The following THY1 variants were observed in gnomAD, a reference collection of about 807,000 sequenced individuals.
THY1 encodes Thy-1 cell surface antigen, also known as thy-1 membrane glycoprotein.
A neutral mutation model predicts 14.9 loss-of-function variants in THY1; 10 were observed. That is an observed-to-expected ratio of 0.67 (90% CI 0.41 to 1.14). The LOEUF (loss-of-function observed/expected upper bound fraction) is 1.14, where lower values mean the gene tolerates loss of function less well. Among genes scored for constraint, THY1 ranks in the 50% most tolerant of loss-of-function variants. The probability of loss-of-function intolerance (pLI) is 0.00; values close to 1 mark genes in which losing one functional copy is unlikely to be tolerated. For missense variants in THY1, 159 were observed against 202.1 expected, an observed-to-expected ratio of 0.79 and a Z score of 1.29; for synonymous variants, 80 against 90.0, an observed-to-expected ratio of 0.89 and a Z score of 0.63.
At chr11:119,421,360 T>C (rs1463474251) in intron 1 of THY1, 1 of 154,554 alleles carries the variant, frequency 6.5e-6, no homozygotes, top group African/African-American at 2.4e-5. Flanking sequence ...TTAAATTCAG[T>C]ATATTCAGCA....
intron 2 of THY1, 33 bp downstream of exon 2, chr11:119,420,836 C>G: frequency 2.5e-6 from 4 of 1,613,756 alleles, no homozygotes; most frequent in Non-Finnish European, 3.4e-6. Context: ...AGCCAGGGCG[C>G]CTGGAGCCCC....
Position 119,417,371 on chromosome 11 carries a change from G to C in THY1, c.*2037C>G, listed in dbSNP as rs143510979. The stretch of plus-strand genomic sequence containing the variant: ...ACGGGAGGTAGCAAGAGTGGGAGCC[G>C]GTGGCATAATTTAGATCTGAGGCCT... On this transcript the variant is annotated 3_prime_UTR_variant, in exon 4 of 4. Transcript: ENST00000284240. The C allele has an allele frequency of 6.6e-6, 1 of 152,318 alleles. No homozygotes were observed. Among genetic ancestry groups the C allele is most frequent in the Non-Finnish European group, 1.5e-5 (1 of 68,128 alleles). The allele number at this position is 152,318 out of a possible 1,614,324, so 9.4% of individuals were successfully genotyped here.
At chr11:119,423,498 C>T, upstream of THY1, 1 of 325,854 alleles carries the variant, frequency 3.1e-6, no homozygotes, top group East Asian at 9.0e-5. Context: ...TTAACCCTTT[C>T]TTCTGACCTA....
At position 119,417,155 on chromosome 11, in the gene THY1, G is replaced by A. The variant is rs1235507387; in HGVS notation, c.*2253C>T. On this transcript the variant is annotated 3_prime_UTR_variant, in exon 4 of 4. Coordinates refer to ENST00000284240, the MANE Select transcript of THY1 (RefSeq NM_006288.5). ...TCTTCTCACCAAGATGCCTTTCCTT[G>A]GCACGGCGCTTGCAGCCCAAGCAGG... 1.3e-5 allele frequency among the ~76,000 whole-genome samples: 2 copies of A among 152,194 alleles called. No homozygotes were observed. Among genetic ancestry groups the A allele is most frequent in the Admixed American group, 1.3e-4 (2 of 15,278 alleles).
chr11:119,422,589 C>A lies in THY1; in HGVS notation c.-25+524G>T. The A allele has an allele frequency of 5.2e-6, 1 of 192,408 alleles. No individual in the cohort carries two copies. 11.9% of individuals were successfully genotyped at this position (192,408 alleles called of 1,614,324 possible). Reference sequence around the variant, plus strand: ...GAGTCCCCCTTCCCCCTCTCTCATCCTTTTCCAGCTCTCCCCTCCCCCGTC... The same window carrying A: ...GAGTCCCCCTTCCCCCTCTCTCATCATTTTCCAGCTCTCCCCTCCCCCGTC... On this transcript the variant is annotated intron_variant, in intron 1 of 3. Coordinates refer to ENST00000284240, the MANE Select transcript of THY1 (RefSeq NM_006288.5). The surrounding 1 kb of genome is among the most constrained non-coding windows in gnomAD (Gnocchi z 7.0).
At chr11:119,423,804 G>C (rs755332061), upstream of THY1, 4 of 153,074 alleles carry the variant, frequency 2.6e-5, no homozygotes, top group Admixed American at 6.5e-5. Context: ...GGCTGCAGGC[G>C]CTTTTTGCTC....
At chr11:119,424,480 T>A (rs2135440125), upstream of THY1, among the ~76,000 whole-genome samples, 1 of 152,272 alleles carries the variant, frequency 6.6e-6, no homozygotes, top group South Asian at 2.1e-4. Flanking sequence ...GCAGTGGCAC[T>A]GTTGGAAGCC....
intron 1 of THY1, 27 bp downstream of exon 1, chr11:119,423,086 C>T (rs1365048991): frequency 8.8e-6 from 4 of 455,970 alleles, no homozygotes; most frequent in Non-Finnish European, 1.3e-5. Context: ...TCCCCGAGCC[C>T]CAGGTCCCAC....
rs1861769462 is a variant in THY1 at position 119,416,085 on chromosome 11, C to T, written c.*3323G>A. ...CCCACATCTCACGGAGATCCCCATG[C>T]CCTTCCCGAGGAAGCCTCTAGATGT... On this transcript the variant is annotated 3_prime_UTR_variant, in exon 4 of 4. Coordinates refer to ENST00000284240, the MANE Select transcript of THY1 (RefSeq NM_006288.5). Among the ~76,000 whole-genome samples the T allele has an allele frequency of 6.6e-6, 1 of 152,176 alleles. No individual in the cohort carries two copies. The highest frequency in any genetic ancestry group is 2.1e-4 in the South Asian group (1 of 4,828).
In THY1 at chr11:119,420,375, A is replaced by G. The variant is rs1459305525; in HGVS notation, c.49T>C (p.Ser17Pro). ...AGGCTGGTCACCTTCTGCCCTCGGG[A>G]GACCTGCAAGACTGGCACCAGCAGT... is the stretch of plus-strand genomic sequence containing the variant. ...IALLLTVLQV[S>P]RGQKVTSLTA... Residue 17 changes from serine (S) to proline (P), a missense_variant, in exon 3 of 4, where the codon TCC becomes CCC. Coordinates refer to ENST00000284240, the MANE Select transcript of THY1 (RefSeq NM_006288.5). The G allele has an allele frequency of 1.2e-6, 2 of 1,609,546 alleles. 1 individual carries two copies. The highest frequency in any genetic ancestry group is 3.3e-4 in the Middle Eastern group (2 of 6,040).
At chr11:119,423,247 T>C (rs1861949942), upstream of THY1, 3 of 393,874 alleles carry the variant, frequency 7.6e-6, no homozygotes, top group Non-Finnish European at 1.6e-5. Context: ...GCTCAGCCAA[T>C]CAGAGGCGGA....
chr11:119,420,665 G>C, intron 2 of THY1: 1 of 691,608 alleles, frequency 1.4e-6, no homozygotes, highest in Non-Finnish European at 2.5e-6. Flanking sequence ...GTTCAATAGT[G>C]TGAAGGAGGG....
In THY1 at chr11:119,419,464, G is replaced by A. The variant is rs1355301133; in HGVS notation, c.430C>T (p.Leu144=). ...SLLAQNTSWL[L]LLLLSLSLLQ... The stretch of plus-strand genomic sequence containing the variant: ...AGGGAGAGGGAGAGCAGGAGCAGCA[G>A]CAGCCACGAGGTGTTCTGAGCCAGC... Residue 144 remains leucine (L), a synonymous_variant, in exon 4 of 4, where the codon CTG becomes TTG. Transcript: ENST00000284240. The A allele has an allele frequency of 1.2e-6, 2 of 1,613,906 alleles. No homozygotes were observed. The highest frequency in any genetic ancestry group is 1.7e-6 in the Non-Finnish European group (2 of 1,180,028).
At position 119,418,938 on chromosome 11, in the gene THY1, G is replaced by GATTAA; in HGVS notation, c.*469_*470insTTAAT. 3 of 197,490 alleles carry GATTAA rather than the reference G, an allele frequency of 1.5e-5. No homozygotes were observed. The highest frequency in any genetic ancestry group is 1.0e-4 in the South Asian group (1 of 9,972). The allele number at this position is 197,490 out of a possible 1,614,324, so 12.2% of individuals were successfully genotyped here. A position where few individuals can be genotyped will look rare whatever the true frequency, so the allele number is the denominator to read the frequency against. ...GCACCAGCCATGCCTGCCGAGGAGT[G>GATTAA]CTGTCAGGACAGACCATGTCCGTGC... On this transcript the variant is annotated 3_prime_UTR_variant, in exon 4 of 4. Coordinates refer to ENST00000284240, the MANE Select transcript of THY1 (RefSeq NM_006288.5).
In THY1 at chr11:119,420,305, T is replaced by A; in HGVS notation, c.119A>T (p.His40Leu). 1.2e-6 allele frequency: 2 copies of A among 1,614,236 alleles called. No individual in the cohort carries two copies. Among genetic ancestry groups the A allele is most frequent in the Non-Finnish European group, 1.7e-6 (2 of 1,180,046 alleles). ...GATGGGTGAACTGCTGGTATTCTCA[T>A]GGCGGCAGTCCAGACGAAGGCTCTG... ...VDQSLRLDCRHENTSSSPIQY... is the reference protein window; with the variant it reads ...VDQSLRLDCRLENTSSSPIQY... Residue 40 changes from histidine (H) to leucine (L), a missense_variant, in exon 3 of 4, where the codon CAT becomes CTT. Coordinates refer to ENST00000284240, the MANE Select transcript of THY1 (RefSeq NM_006288.5).
intron 1 of THY1, chr11:119,421,813 G>C (rs1408506110): frequency 1.3e-5 from 2 of 152,246 alleles, no homozygotes; most frequent in Admixed American, 6.5e-5. Flanking sequence ...AGGAGAGAAA[G>C]ACATAGTGAT....
In THY1 at chr11:119,423,064, G is replaced by A. The variant is rs182667073; in HGVS notation, c.-25+49C>T. The A allele has an allele frequency of 1.2e-3, 557 of 456,054 alleles. 3 individuals carry two copies. Among genetic ancestry groups the A allele is most frequent in the African/African-American group, 0.011 (527 of 50,176 alleles). 28.3% of individuals were successfully genotyped at this position (456,054 alleles called of 1,614,324 possible). A position where few individuals can be genotyped will look rare whatever the true frequency, so the allele number is the denominator to read the frequency against. Reference sequence around the variant, plus strand: ...TAGTGTTGGGAAGTCTTGCATGGGCGCCTGACGGCGGTCCCCGAGCCCCAG... The same window carrying A: ...TAGTGTTGGGAAGTCTTGCATGGGCACCTGACGGCGGTCCCCGAGCCCCAG... On this transcript the variant is annotated intron_variant, in intron 1 of 3. Transcript: ENST00000284240.
Position 119,420,364 on chromosome 11 carries a change from C to T in THY1, c.60G>A (p.Gln20=). The change falls in exon 3 of 4, where the codon CAG becomes CAA. Residue 20 remains glutamine, a synonymous_variant. Transcript: ENST00000284240. ...GGCAGGCCGTTAGGCTGGTCACCTT[C>T]TGCCCTCGGGAGACCTGCAAGACTG... ...LLTVLQVSRG[Q]KVTSLTACLV... is the part of the protein sequence containing the mutation. 6.2e-7 allele frequency: 1 copy of T among 1,613,086 alleles called. No individual in the cohort carries two copies. Among genetic ancestry groups the T allele is most frequent in the Non-Finnish European group, 8.5e-7 (1 of 1,179,756 alleles).
At chr11:119,419,736 A>G (rs536858533) in intron 3 of THY1, 2 of 602,644 alleles carry the variant, frequency 3.3e-6, no homozygotes, top group South Asian at 2.1e-5. Context: ...TGAAAACCTT[A>G]CTAAACATCA....
Sources: allele counts gnomAD v4.1 joint callset (sites outside exome capture counted in the v4.1 genomes callset), GRCh38; gene constraint gnomAD v4.1.1; non-coding constraint Gnocchi (gnomAD v3.1); transcripts MANE v1.5; gene names NCBI Gene and HGNC (gene_info 2026-07-23, HGNC 2026-07-21).